RPL36AL: variants seen among roughly 807,000 people sequenced by gnomAD.
RPL36AL encodes the protein ribosomal protein L36a like.
RPL36AL carries 8 observed loss-of-function variants against 7.9 expected under a neutral mutation model. The ratio of observed to expected loss-of-function variants is 1.02; its 90% CI spans 0.60 to 1.84. The LOEUF (loss-of-function observed/expected upper bound fraction) is 1.84. Ranked by LOEUF, RPL36AL falls within the 40% of genes most tolerant of loss-of-function variation. The pLI, the probability that RPL36AL is intolerant of heterozygous loss-of-function variation, is 0.00. For synonymous variants in RPL36AL, 44 were observed against 44.8 expected (o/e 0.98, Z 0.07); for missense variants, 76 against 126.8 (o/e 0.60, Z 1.93).
At chr14:49,619,492 A>G (rs1206150392) in intron 1 of RPL36AL, among the ~76,000 whole-genome samples, 1 of 152,092 alleles carries the variant, frequency 6.6e-6, no homozygotes, top group Non-Finnish European at 1.5e-5. Flanking sequence ...TACTAAAAAT[A>G]CAAAATTAGC....
rs1594596675 is a variant in RPL36AL, at chr14:49,618,769, A to C, written c.*15T>G. 1 of 1,594,446 alleles carries C rather than the reference A, an allele frequency of 6.3e-7. No homozygotes were observed. Among genetic ancestry groups the C allele is most frequent in the Non-Finnish European group, 8.6e-7 (1 of 1,169,274 alleles). ...ACCATTTTCTCTTCAAAATTGAAGA[A>C]AAATATCCCAAAGTTTAGAACTGGA... On this transcript the variant is annotated 3_prime_UTR_variant, in exon 2 of 2. Transcript: ENST00000298289.
rs775280776 is a variant in RPL36AL at position 49,619,129 on chromosome 14, A to G, written c.-25T>C. ...TCTTTGCAGCAGGGCTGTTTTGTCT[A>G]TATGATGAAAACTGTAGTAAAATAT... is the stretch of plus-strand genomic sequence containing the variant. On this transcript the variant is annotated 5_prime_UTR_variant, in exon 2 of 2. Coordinates refer to ENST00000298289, the MANE Select transcript of RPL36AL (RefSeq NM_001001.5). 1.3e-5 allele frequency: 21 copies of G among 1,566,784 alleles called. No individual in the cohort carries two copies. Among genetic ancestry groups the G allele is most frequent in the African/African-American group, 6.8e-5 (5 of 73,012 alleles).
At chr14:49,620,157 A>G (rs2139563742) in intron 1 of RPL36AL, among the ~76,000 whole-genome samples, 1 of 152,326 alleles carries the variant, frequency 6.6e-6, no homozygotes, top group African/African-American at 2.4e-5. Flanking sequence ...CCGAAAAGGA[A>G]GTTAAGGACC....
intron 1 of RPL36AL, 51 bp downstream of exon 1, chr14:49,620,511 T>A (rs1459786291): frequency 6.3e-6 from 1 of 157,560 alleles, no homozygotes; most frequent in Non-Finnish European, 1.4e-5. Flanking sequence ...CCCAGGATTC[T>A]GAGCAAGGGA....
rs138890824 is a variant in RPL36AL, at chr14:49,620,592, GCAGCTCTCGCCTTTCGCA to G, written c.-85_-68del. On this transcript the variant is annotated 5_prime_UTR_variant, in exon 1 of 2. Coordinates refer to ENST00000298289, the MANE Select transcript of RPL36AL (RefSeq NM_001001.5). The stretch of plus-strand genomic sequence containing the variant: ...AACAGCGCCCGACACCTGGCCCTTC[GCAGCTCTCGCCTTTCGCA>G]GCTCTCGCCTAACAGGAAAGGGAAG... 1.6e-3 allele frequency: 326 copies of G among 204,124 alleles called. 5 individuals carry two copies. The East Asian group carries it at 0.025, about 16-fold the overall frequency. 12.6% of individuals were successfully genotyped at this position (204,124 alleles called of 1,614,324 possible).
Position 49,618,747 on chromosome 14 carries a change from AT to A in RPL36AL, c.*36del. 6.5e-7 allele frequency: 1 copy of A among 1,543,736 alleles called. No individual in the cohort carries two copies. On this transcript the variant is annotated 3_prime_UTR_variant, in exon 2 of 2. Coordinates refer to ENST00000298289, the MANE Select transcript of RPL36AL (RefSeq NM_001001.5). Reference sequence around the variant, plus strand: ...CGGGTAACTTTTCTATGGCTTCACCATTTTCTCTTCAAAATTGAAGAAAAAT... The same window carrying A: ...CGGGTAACTTTTCTATGGCTTCACCATTTCTCTTCAAAATTGAAGAAAAAT...
In RPL36AL at chr14:49,619,493, C is replaced by T. The variant is rs138841463; in HGVS notation, c.-36-353G>A. On this transcript the variant is annotated intron_variant, in intron 1 of 1. Coordinates refer to ENST00000298289, the MANE Select transcript of RPL36AL (RefSeq NM_001001.5). ...AGAAACCCCGTCTCTACTAAAAATA[C>T]AAAATTAGCCTGGCGTGGTGGTGGT... Among the ~76,000 whole-genome samples the T allele has an allele frequency of 3.7e-3, 544 of 146,004 alleles. 2 individuals are homozygous for T. The highest frequency in any genetic ancestry group is 9.4e-3 in the African/African-American group (382 of 40,512).
chr14:49,618,724 G>T lies in RPL36AL; in HGVS notation c.*60C>A. On this transcript the variant is annotated 3_prime_UTR_variant, in exon 2 of 2. Coordinates refer to ENST00000298289, the MANE Select transcript of RPL36AL (RefSeq NM_001001.5). Reference sequence around the variant, plus strand: ...ATATCACTGTATTTATTTTCCCTCGGGTAACTTTTCTATGGCTTCACCATT... The same window carrying T: ...ATATCACTGTATTTATTTTCCCTCGTGTAACTTTTCTATGGCTTCACCATT... 2 of 1,387,246 alleles carry T rather than the reference G, an allele frequency of 1.4e-6. No individual in the cohort carries two copies. Among genetic ancestry groups the T allele is most frequent in the Non-Finnish European group, 2.0e-6 (2 of 1,002,874 alleles). 85.9% of individuals were successfully genotyped at this position (1,387,246 alleles called of 1,614,324 possible). A position where few individuals can be genotyped will look rare whatever the true frequency, so the allele number is the denominator to read the frequency against.
At chr14:49,619,418 A>G (rs1882765917) in intron 1 of RPL36AL, among the ~76,000 whole-genome samples, 1 of 152,138 alleles carries the variant, frequency 6.6e-6, no homozygotes, top group African/African-American at 2.4e-5. Context: ...GAGGCCGAGA[A>G]GGGCGGATCA....
intron 1 of RPL36AL, 120 bp from the exon 2 acceptor site, chr14:49,619,260 T>C: frequency 1.6e-6 from 1 of 626,514 alleles, no homozygotes; most frequent in Non-Finnish European, 2.7e-6. Flanking sequence ...ATCCACCACG[T>C]ACTCTTTTTC....
intron 1 of RPL36AL, 21 bp from the exon 2 acceptor site, chr14:49,619,161 T>G (rs1882755330): frequency 6.1e-6 from 9 of 1,479,924 alleles, no homozygotes; most frequent in Non-Finnish European, 8.2e-6. Context: ...ATATTTAAAA[T>G]AAGATAGCAG....
At chr14:49,620,138 A>G (rs577217650) in intron 1 of RPL36AL, among the ~76,000 whole-genome samples, 1 of 152,208 alleles carries the variant, frequency 6.6e-6, no homozygotes, top group Non-Finnish European at 1.5e-5. Flanking sequence ...CGGTTCATCT[A>G]ATTTTCTTCC....
chr14:49,619,550 G>A (rs966964534), intron 1 of RPL36AL, among the ~76,000 whole-genome samples: 1 of 151,896 alleles, frequency 6.6e-6, no homozygotes, highest in African/African-American at 2.4e-5. Flanking sequence ...CTTGGGCGGG[G>A]TGGGGAGGGG....
chr14:49,618,987 G>A lies in RPL36AL; in HGVS notation c.118C>T (p.Arg40Cys). The A allele has an allele frequency of 1.2e-6, 2 of 1,613,884 alleles. No individual in the cohort carries two copies. The highest frequency in any genetic ancestry group is 1.7e-6 in the Non-Finnish European group (2 of 1,179,866). Residue 40 changes from arginine (R) to cysteine (C), a missense_variant, in exon 2 of 2, where the codon CGC (arginine) becomes TGC (cysteine). Physicochemically the swap from Arg to Cys is radical, Grantham distance 180. Transcript: ENST00000298289. ...TAGCCACTCTGCTTCCGATCATAGC[G>A]CCTCCTTCCCTGGGCATACAAAGAA... ...KDSLYAQGRR[R>C]YDRKQSGYGG...
At chr14:49,619,688 G>T (rs906198775) in intron 1 of RPL36AL, among the ~76,000 whole-genome samples, 1 of 152,160 alleles carries the variant, frequency 6.6e-6, no homozygotes, top group Admixed American at 6.5e-5. Context: ...TTTGGGGCAA[G>T]TTTGAGGATT....
At chr14:49,619,622 T>C (rs544008963) in intron 1 of RPL36AL, among the ~76,000 whole-genome samples, 1 of 146,414 alleles carries the variant, frequency 6.8e-6, no homozygotes, top group Admixed American at 7.1e-5. Context: ...AACAGCGGAA[T>C]TACGTCTCAA....
At chr14:49,619,924 T>C (rs1163733621) in intron 1 of RPL36AL, among the ~76,000 whole-genome samples, 1 of 151,806 alleles carries the variant, frequency 6.6e-6, no homozygotes, top group African/African-American at 2.4e-5. Context: ...AGTGGGGAGG[T>C]GTCTGAAGTC....
intron 1 of RPL36AL, among the ~76,000 whole-genome samples, chr14:49,619,718 C>G (rs1054920427): frequency 1.3e-5 from 2 of 152,056 alleles, no homozygotes; most frequent in Admixed American, 6.6e-5. Context: ...AGCACAGATT[C>G]AAAATGCCCT....
intron 1 of RPL36AL, among the ~76,000 whole-genome samples, chr14:49,620,033 C>G (rs1240475440): frequency 1.3e-5 from 2 of 152,124 alleles, no homozygotes; most frequent in African/African-American, 4.8e-5. Flanking sequence ...ACAAGACTCA[C>G]GAAAACCGAC....
Sources: gnomAD v4.1 joint callset for allele counts (sites outside exome capture counted in the v4.1 genomes callset) on GRCh38, gnomAD v4.1.1 for gene constraint, MANE v1.5 for transcripts, NCBI Gene and HGNC (gene_info 2026-07-23, HGNC 2026-07-21) for gene names.